Variants in ZBTB20 observed in about 807,000 individuals in gnomAD.
ZBTB20 encodes zinc finger and BTB domain-containing protein 20.
Under a neutral mutation model 56.9 loss-of-function variants are expected in ZBTB20, and 9 were observed. That is an observed-to-expected ratio of 0.16 (90% CI 0.10 to 0.28). The LOEUF (loss-of-function observed/expected upper bound fraction) is 0.28. Ranked by LOEUF, ZBTB20 falls within the 10% of genes least tolerant of loss-of-function variation. The pLI is 1.00. For synonymous variants in ZBTB20, 417 were observed against 420.7 expected, an observed-to-expected ratio of 0.99 and a Z score of 0.11; for missense variants, 655 against 1,003.0, an observed-to-expected ratio of 0.65 and a Z score of 4.69.
At chr3:114,910,079 AAAAAC>A (rs1467795392) in intron 3 of ZBTB20, among the ~76,000 whole-genome samples, 1 of 151,982 alleles carries the variant, frequency 6.6e-6, no homozygotes, top group Non-Finnish European at 1.5e-5. Flanking sequence ...ATTAAAAAGA[AAAAAC>A]AAATCTATTT....
intron 4 of ZBTB20, among the ~76,000 whole-genome samples, chr3:114,883,213 G>A (rs2076463217): frequency 6.6e-6 from 1 of 152,058 alleles, no homozygotes; most frequent in African/African-American, 2.4e-5. Flanking sequence ...ATCTCTACTT[G>A]GTATTTTGTA....
intron 6 of ZBTB20, among the ~76,000 whole-genome samples, chr3:114,620,305 T>TTTTC (rs2058233107): frequency 2.0e-5 from 3 of 152,246 alleles, no homozygotes; most frequent in South Asian, 2.1e-4. Context: ...CTTTTCTTTT[T>TTTTC]TTTTGAGATG....
chr3:114,874,596 C>A (rs112959731), intron 4 of ZBTB20, among the ~76,000 whole-genome samples: 1 of 152,160 alleles, frequency 6.6e-6, no homozygotes, highest in African/African-American at 2.4e-5. Context: ...CAATAGAGAC[C>A]ACTGCCAGCA....
At chr3:114,859,787 T>C (rs570182892) in intron 4 of ZBTB20, among the ~76,000 whole-genome samples, 7 of 152,266 alleles carry the variant, frequency 4.6e-5, no homozygotes, top group African/African-American at 1.7e-4. Context: ...AGTATGTACA[T>C]AAATAAAGCA....
chr3:114,776,529 C>G (rs867201797), intron 5 of ZBTB20, among the ~76,000 whole-genome samples: 10 of 152,172 alleles, frequency 6.6e-5, no homozygotes, highest in African/African-American at 2.4e-4. Context: ...AGGAATGCAG[C>G]CCTGCTGACA....
At chr3:115,055,199 C>CTCTCTCTCTCTG (rs1255507546) in intron 2 of ZBTB20, among the ~76,000 whole-genome samples, 1 of 140,262 alleles carries the variant, frequency 7.1e-6, no homozygotes, top group Non-Finnish European at 1.6e-5. Context: ...CTCTCTCTCT[C>CTCTCTCTCTCTG]TCTCTCTCTC....
chr3:114,721,828 A>AT lies in ZBTB20; in HGVS notation c.-342-28254dup, dbSNP rs547587703. Reference sequence around the variant, plus strand: ...GATTCTTGGGATTCTCAATTCTGAGATTTTTGGGTTATATTATGAATAAAA... The same window carrying AT: ...GATTCTTGGGATTCTCAATTCTGAGATTTTTTGGGTTATATTATGAATAAAA... On this transcript the variant is annotated intron_variant, in intron 5 of 11. Coordinates refer to ENST00000675478, the MANE Select transcript of ZBTB20 (RefSeq NM_001348800.3). 2.6e-5 allele frequency among the ~76,000 whole-genome samples: 4 copies of AT among 152,224 alleles called. No homozygotes were observed. In the East Asian group the frequency reaches 7.7e-4, roughly 29 times the overall value.
chr3:114,878,801 G>C (rs1248775279), intron 4 of ZBTB20, among the ~76,000 whole-genome samples: 1 of 152,092 alleles, frequency 6.6e-6, no homozygotes, highest in Admixed American at 6.5e-5. Flanking sequence ...AACTAATAAA[G>C]CTGCGGTCAC....
At chr3:114,923,918 T>C (rs972003372) in intron 3 of ZBTB20, among the ~76,000 whole-genome samples, 2 of 151,920 alleles carry the variant, frequency 1.3e-5, no homozygotes, top group Admixed American at 6.6e-5. Flanking sequence ...AAGGCCTGAA[T>C]AGACATTTTT....
At chr3:114,845,564 G>A (rs184526246) in intron 4 of ZBTB20, among the ~76,000 whole-genome samples, 59 of 151,878 alleles carry the variant, frequency 3.9e-4, no homozygotes, top group African/African-American at 1.4e-3. Context: ...AATCAAGGCT[G>A]CTGAATTCTC....
chr3:114,815,818 A>G (rs2108897284), intron 4 of ZBTB20, among the ~76,000 whole-genome samples: 1 of 152,324 alleles, frequency 6.6e-6, no homozygotes, highest in East Asian at 1.9e-4. Flanking sequence ...TAGCTTCTAG[A>G]TGAACAAAAT....
rs1316235582 is a variant in ZBTB20 at position 114,318,296 on chromosome 3, G to A, written c.*20709C>T. On this transcript the variant is annotated 3_prime_UTR_variant, in exon 12 of 12. Coordinates refer to ENST00000675478, the MANE Select transcript of ZBTB20 (RefSeq NM_001348800.3). Reference sequence around the variant, plus strand: ...GCCCCACCTTCCTGAGGGCTGGGGGGCCTTCACACCACCCACAGCCATTTC... The same window carrying A: ...GCCCCACCTTCCTGAGGGCTGGGGGACCTTCACACCACCCACAGCCATTTC... 1 of 152,232 alleles carries A rather than the reference G, an allele frequency of 6.6e-6. No individual in the cohort carries two copies. Among genetic ancestry groups the A allele is most frequent in the Non-Finnish European group, 1.5e-5 (1 of 68,098 alleles). The allele number at this position is 152,232 out of a possible 1,614,324, so 9.4% of individuals were successfully genotyped here. A position where few individuals can be genotyped will look rare whatever the true frequency, so the allele number is the denominator to read the frequency against.
At chr3:115,139,375 G>C (rs1013763296) in intron 1 of ZBTB20, among the ~76,000 whole-genome samples, 1 of 151,980 alleles carries the variant, frequency 6.6e-6, no homozygotes. Context: ...TATCATTAAA[G>C]ATATATCAAG....
intron 7 of ZBTB20, among the ~76,000 whole-genome samples, chr3:114,432,161 T>C (rs1297947661): frequency 5.0e-5 from 3 of 60,080 alleles, no homozygotes; most frequent in African/African-American, 1.2e-4. Flanking sequence ...AGGATTTTGA[T>C]TCCATTAGAA....
At chr3:114,612,386 G>A (rs1411258318) in intron 6 of ZBTB20, among the ~76,000 whole-genome samples, 1 of 152,116 alleles carries the variant, frequency 6.6e-6, no homozygotes, top group African/African-American at 2.4e-5. Context: ...CTGTGAGCAG[G>A]TATTGTGTTT....
chr3:114,476,403 A>G (rs1291607859), intron 7 of ZBTB20, among the ~76,000 whole-genome samples: 2 of 152,242 alleles, frequency 1.3e-5, no homozygotes, highest in African/African-American at 4.8e-5. Context: ...AAGCATATTT[A>G]TGTCTTAATT....
intron 5 of ZBTB20, chr3:114,758,835 C>T (rs1020005896): frequency 1.3e-5 from 2 of 152,112 alleles, no homozygotes; most frequent in African/African-American, 4.8e-5. Flanking sequence ...TGCTTTTTCC[C>T]TTATCTTTCC....
At chr3:114,837,087 G>C (rs1469677444) in intron 4 of ZBTB20, among the ~76,000 whole-genome samples, 1 of 152,086 alleles carries the variant, frequency 6.6e-6, no homozygotes, top group Non-Finnish European at 1.5e-5. Context: ...AGACTGCTCT[G>C]TTCCTACATC....
intron 4 of ZBTB20, among the ~76,000 whole-genome samples, chr3:114,898,800 A>C (rs1221279014): frequency 6.6e-6 from 1 of 152,170 alleles, no homozygotes; most frequent in African/African-American, 2.4e-5. Flanking sequence ...CTCTAAGACC[A>C]GATTTATGTT....
Sources: gnomAD v4.1 joint callset for allele counts (sites outside exome capture counted in the v4.1 genomes callset) on GRCh38, gnomAD v4.1.1 for gene constraint, MANE v1.5 for transcripts, NCBI Gene and HGNC (gene_info 2026-07-23, HGNC 2026-07-21) for gene names.